PIWIL4: variants seen among roughly 807,000 people sequenced by gnomAD.
PIWIL4 encodes the protein piwi-like protein 4.
Under a neutral mutation model 100.9 loss-of-function variants are expected in PIWIL4, and 50 were observed. The observed-to-expected ratio is 0.50, with a 90% CI of 0.39 to 0.63. The LOEUF is 0.63. PIWIL4 is among the 20% of genes least tolerant of loss of function. The pLI is 0.00. For synonymous variants in PIWIL4, 342 were observed against 367.5 expected (o/e 0.93, Z 0.79); for missense variants, 887 against 1,043.3 (o/e 0.85, Z 2.06).
At chr11:94,618,866 G>A (rs539670885) in intron 17 of PIWIL4, among the ~76,000 whole-genome samples, 9 of 152,304 alleles carry the variant, frequency 5.9e-5, no homozygotes, top group Middle Eastern at 3.4e-3. Context: ...GACCTCAGTC[G>A]GTTATTGTTA....
rs1354032423 is a variant in PIWIL4, at chr11:94,593,586, T to C, written c.1095T>C (p.Asn365=). The C allele has an allele frequency of 3.1e-6, 5 of 1,614,048 alleles. No homozygotes were observed. The highest frequency in any genetic ancestry group is 4.2e-6 in the Non-Finnish European group (5 of 1,179,932). ...TTAGTCTGTTAAAGAAGAAGAGAAA[T>C]GACAACAGTGAGGCTCAGCTCGCCC... ...MLVSLLKKKR[N]DNSEAQLAHL... The change falls in exon 9 of 20, where the codon AAT becomes AAC. Residue 365 remains asparagine, a synonymous_variant. Coordinates refer to ENST00000299001, the MANE Select transcript of PIWIL4 (RefSeq NM_152431.3).
Position 94,589,251 on chromosome 11 carries a change from C to A in PIWIL4, c.1026+19C>A, listed in dbSNP as rs1948447085. On this transcript the variant is annotated intron_variant, in intron 8 of 19. Coordinates refer to ENST00000299001, the MANE Select transcript of PIWIL4 (RefSeq NM_152431.3). ...CAAGCAGGTAGGACTTTTCTTCATG[C>A]ATCTCTATCTCCTTTTCTTTTACCT... The A allele has an allele frequency of 6.5e-7, 1 of 1,534,816 alleles. No individual in the cohort carries two copies. Among genetic ancestry groups the A allele is most frequent in the African/African-American group, 1.4e-5 (1 of 73,186 alleles).
chr11:94,571,371 G>C (rs897767614), intron 2 of PIWIL4, among the ~76,000 whole-genome samples: 1 of 151,922 alleles, frequency 6.6e-6, no homozygotes, highest in African/African-American at 2.4e-5. Context: ...GTGCCATGTT[G>C]GTGTGCTGCA....
At chr11:94,608,220 A>C (rs1336373406) in intron 14 of PIWIL4, 1 of 192,600 alleles carries the variant, frequency 5.2e-6, no homozygotes, top group Non-Finnish European at 1.1e-5. Flanking sequence ...AGAGATCTGA[A>C]GAATGAAGAA....
chr11:94,607,371 T>C (rs1459175158), intron 13 of PIWIL4, 68 bp from the exon 14 acceptor site: 1 of 1,405,376 alleles, frequency 7.1e-7, no homozygotes, highest in Non-Finnish European at 9.9e-7. Flanking sequence ...TGAATTCATT[T>C]CTTTAAAAAG....
intron 1 of PIWIL4, among the ~76,000 whole-genome samples, chr11:94,568,013 A>T (rs1436630325): frequency 6.6e-6 from 1 of 151,954 alleles, no homozygotes; most frequent in Non-Finnish European, 1.5e-5. Context: ...GGTTTAGATT[A>T]AACTACTGTT....
In PIWIL4 at chr11:94,572,472, G is replaced by A. The variant is rs537017396; in HGVS notation, c.167-2527G>A. Among the ~76,000 whole-genome samples, 23 of 152,332 alleles carry A rather than the reference G, an allele frequency of 1.5e-4. No homozygotes were observed. In the South Asian group the frequency reaches 4.1e-3, roughly 27 times the overall value. The stretch of plus-strand genomic sequence containing the variant: ...TCTTGAATTAATTTTTGTGTGAGGC[G>A]TAGGGAAGGGATCCAGTTTCAGCTT... On this transcript the variant is annotated intron_variant, in intron 2 of 19. Transcript: ENST00000299001.
At position 94,568,803 on chromosome 11, in the gene PIWIL4, C is replaced by A. The variant is rs1015696424; in HGVS notation, c.161C>A (p.Thr54Asn). ...TTCTTGGGAACAAGCAGGATCTCAA[C>A]CAACGGTAAGTGCAGCTCAGCCTGT... ...NGFLGTSRIS[T>N]NDKYGISSGD... is the part of the protein sequence containing the mutation. Residue 54 changes from threonine to asparagine, a missense_variant, in exon 2 of 20, where the codon ACC becomes AAC. Physicochemically the swap from Thr to Asn is moderately conservative, Grantham distance 65. This residue lies in a region of PIWIL4 where 146 missense variants were observed against 113.4 expected (regional missense o/e 1.29). Transcript: ENST00000299001. The A allele has an allele frequency of 3.8e-6, 6 of 1,597,798 alleles. No individual in the cohort carries two copies. The highest frequency in any genetic ancestry group is 4.3e-6 in the Non-Finnish European group (5 of 1,165,144).
intron 4 of PIWIL4, among the ~76,000 whole-genome samples, chr11:94,577,702 T>G (rs551962951): frequency 4.5e-4 from 69 of 152,336 alleles, no homozygotes; most frequent in African/African-American, 1.5e-3. Flanking sequence ...TATCAGCCAT[T>G]TAGTCCATCC....
chr11:94,592,007 T>A (rs1370559297), intron 8 of PIWIL4, among the ~76,000 whole-genome samples: 1 of 152,204 alleles, frequency 6.6e-6, no homozygotes, highest in African/African-American at 2.4e-5. Context: ...TTGCTGGAGC[T>A]GTTACCTGAG....
intron 2 of PIWIL4, among the ~76,000 whole-genome samples, chr11:94,573,363 T>C (rs1948186794): frequency 6.6e-6 from 1 of 152,242 alleles, no homozygotes; most frequent in South Asian, 2.1e-4. Context: ...CCCTGTCTTA[T>C]GCCAGTTTTC....
chr11:94,583,676 T>A, intron 5 of PIWIL4, 107 bp downstream of exon 5: 1 of 1,471,222 alleles, frequency 6.8e-7, no homozygotes, highest in Non-Finnish European at 9.3e-7. Flanking sequence ...CCAGCAGTGA[T>A]GCCACCGTTA....
Position 94,607,451 on chromosome 11 carries a change from C to T in PIWIL4, c.1651C>T (p.Leu551=). The T allele has an allele frequency of 6.2e-7, 1 of 1,613,686 alleles. No individual in the cohort carries two copies. Among genetic ancestry groups the T allele is most frequent in the Non-Finnish European group, 8.5e-7 (1 of 1,179,736 alleles). ...TTTTTGCTTTTAGGTAATGTGCATT[C>T]TGCCTTCTAATCAGAAGACCTATTA... The part of the protein sequence containing the change: ...DPDVQLVMCI[L]PSNQKTYYDS... The change falls in exon 14 of 20, where the codon CTG becomes TTG. Residue 551 remains leucine (L), a synonymous_variant. Coordinates refer to ENST00000299001, the MANE Select transcript of PIWIL4 (RefSeq NM_152431.3).
chr11:94,574,615 T>A (rs908460248), intron 2 of PIWIL4, among the ~76,000 whole-genome samples: 12 of 152,106 alleles, frequency 7.9e-5, no homozygotes, highest in Non-Finnish European at 1.3e-4. Flanking sequence ...TCCTCCCACC[T>A]CAGCCCAGGC....
chr11:94,620,414 A>T (rs1466321810), intron 19 of PIWIL4, among the ~76,000 whole-genome samples: 2 of 152,238 alleles, frequency 1.3e-5, no homozygotes, highest in African/African-American at 2.4e-5. Context: ...ACATTATCTT[A>T]TGCAAACCTG....
intron 3 of PIWIL4, among the ~76,000 whole-genome samples, 174 bp downstream of exon 3, chr11:94,575,304 T>G (rs1398485451): frequency 6.6e-6 from 1 of 152,274 alleles, no homozygotes; most frequent in Admixed American, 6.5e-5. Flanking sequence ...TAATTTTCTC[T>G]TTTATTAGTA....
chr11:94,608,310 C>G, intron 14 of PIWIL4: 1 of 336,838 alleles, frequency 3.0e-6, no homozygotes, highest in Non-Finnish European at 5.5e-6. Flanking sequence ...TCTTTAGCCA[C>G]TGGTGCCCCT....
intron 1 of PIWIL4, 188 bp downstream of exon 1, chr11:94,567,793 A>C: frequency 8.1e-7 from 1 of 1,230,744 alleles, no homozygotes; most frequent in Non-Finnish European, 1.0e-6. Flanking sequence ...TGTCTGAGTA[A>C]GATATTAACG....
chr11:94,598,214 A>G (rs1948583190), intron 11 of PIWIL4, among the ~76,000 whole-genome samples: 1 of 152,210 alleles, frequency 6.6e-6, no homozygotes, highest in Non-Finnish European at 1.5e-5. Flanking sequence ...AAAGAAAGCC[A>G]TAGTCATCTG....
Sources: gnomAD v4.1 joint callset for allele counts (sites outside exome capture counted in the v4.1 genomes callset) on GRCh38, gnomAD v4.1.1 for gene constraint, gnomAD v4.1.1 regional missense constraint, MANE v1.5 for transcripts, NCBI Gene and HGNC (gene_info 2026-07-23, HGNC 2026-07-21) for gene names.